KLHL29: variants seen among roughly 807,000 people sequenced by gnomAD.
The protein encoded by KLHL29 is kelch-like protein 29.
KLHL29 carries 21 observed loss-of-function variants against 80.4 expected under a neutral mutation model. The ratio of observed to expected loss-of-function variants is 0.26; its 90% CI spans 0.19 to 0.38. The LOEUF is 0.38. Among genes scored for constraint, KLHL29 ranks in the 10% least tolerant of loss-of-function variants. The probability of loss-of-function intolerance (pLI) is 1.00; values close to 1 mark genes in which losing one functional copy is unlikely to be tolerated. For synonymous variants in KLHL29, 511 were observed against 526.8 expected (o/e 0.97, Z 0.41); for missense variants, 867 against 1,223.9 (o/e 0.71, Z 4.35).
At chr2:23,541,765 C>CAAAAAAAAAAAAA (rs149080311) in intron 2 of KLHL29, among the ~76,000 whole-genome samples, 9 of 139,940 alleles carry the variant, frequency 6.4e-5, no homozygotes, top group African/African-American at 2.6e-4. Flanking sequence ...AAGCCCAACC[C>CAAAAAAAAAAAAA]AAAAAACAAA....
chr2:23,414,498 C>G (rs1666940874), intron 1 of KLHL29, among the ~76,000 whole-genome samples: 1 of 152,210 alleles, frequency 6.6e-6, no homozygotes, highest in African/African-American at 2.4e-5. Flanking sequence ...TGGGTTCAGG[C>G]TGGCTGGGTC....
At chr2:23,621,466 A>AT (rs1226041130) in intron 3 of KLHL29, among the ~76,000 whole-genome samples, 1 of 150,814 alleles carries the variant, frequency 6.6e-6, no homozygotes, top group African/African-American at 2.4e-5. Flanking sequence ...GGAAGAAAAA[A>AT]GGAAGAGAGG....
At chr2:23,617,877 C>G (rs1051257470) in intron 3 of KLHL29, 1 of 152,122 alleles carries the variant, frequency 6.6e-6, no homozygotes, top group African/African-American at 2.4e-5. Context: ...AACGTAGCAG[C>G]GTAGGAAGGC....
rs374208423 is a variant in KLHL29 at position 23,577,748 on chromosome 2, C to CA, written c.285+15281dup. Among the ~76,000 whole-genome samples, 1,067 of 118,196 alleles carry CA rather than the reference C, an allele frequency of 9.0e-3. 4 individuals carry two copies. Among genetic ancestry groups the CA allele is most frequent in the African/African-American group, 0.022 (688 of 31,992 alleles). 77.5% of individuals were successfully genotyped at this position (118,196 alleles called of 152,430 possible). Reference sequence around the variant, plus strand: ...GGGTGACTAGAGCGAAACTTCATCTCAAAAAAAAAAAAAAGAAAAGAAAGA... The same window carrying CA: ...GGGTGACTAGAGCGAAACTTCATCTCAAAAAAAAAAAAAAAGAAAAGAAAGA... On this transcript the variant is annotated intron_variant, in intron 3 of 13. Coordinates refer to ENST00000486442, the MANE Select transcript of KLHL29 (RefSeq NM_052920.2).
At chr2:23,541,772 C>G (rs72793547) in intron 2 of KLHL29, among the ~76,000 whole-genome samples, 1 of 137,608 alleles carries the variant, frequency 7.3e-6, no homozygotes, top group Non-Finnish European at 1.6e-5. Flanking sequence ...ACCCAAAAAA[C>G]AAAAAAAAAA....
chr2:23,556,897 T>G (rs1403829057), intron 2 of KLHL29, among the ~76,000 whole-genome samples: 2 of 152,218 alleles, frequency 1.3e-5, no homozygotes, highest in African/African-American at 4.8e-5. Flanking sequence ...TTTCTTCACA[T>G]GTGCATGTAA....
At chr2:23,488,230 G>A (rs1664986303) in intron 2 of KLHL29, among the ~76,000 whole-genome samples, 1 of 152,180 alleles carries the variant, frequency 6.6e-6, no homozygotes, top group South Asian at 2.1e-4. Flanking sequence ...TTCCACCCCT[G>A]GGCGCCCCTG....
intron 4 of KLHL29, among the ~76,000 whole-genome samples, chr2:23,640,314 C>T (rs578108295): frequency 2.0e-5 from 3 of 152,288 alleles, no homozygotes; most frequent in African/African-American, 4.8e-5. Flanking sequence ...GGGAGCTTGG[C>T]GACATATAAC....
intron 13 of KLHL29, 31 bp from the exon 14 acceptor site, chr2:23,706,450 G>A (rs1326561872): frequency 1.5e-6 from 2 of 1,366,656 alleles, no homozygotes; most frequent in East Asian, 2.7e-5. Flanking sequence ...GAAGTGAAAT[G>A]CCTAACTCTG....
intron 3 of KLHL29, among the ~76,000 whole-genome samples, chr2:23,564,212 G>C (rs536524119): frequency 2.0e-5 from 3 of 152,306 alleles, no homozygotes; most frequent in African/African-American, 7.2e-5. Flanking sequence ...CGGTGCTGGG[G>C]CTCCCCCACA....
At chr2:23,519,690 G>A (rs1378070780) in intron 2 of KLHL29, among the ~76,000 whole-genome samples, 2 of 152,136 alleles carry the variant, frequency 1.3e-5, no homozygotes, top group African/African-American at 4.8e-5. Context: ...CAAGGTGGTC[G>A]GGGGACAGCT....
intron 3 of KLHL29, among the ~76,000 whole-genome samples, chr2:23,619,939 T>C (rs1395827299): frequency 6.6e-6 from 1 of 152,056 alleles, no homozygotes; most frequent in Admixed American, 6.5e-5. Flanking sequence ...GGACTTAGAG[T>C]CCAGTAGCTC....
At chr2:23,661,838 G>A (rs1433551604) in intron 5 of KLHL29, among the ~76,000 whole-genome samples, 1 of 152,254 alleles carries the variant, frequency 6.6e-6, no homozygotes, top group Non-Finnish European at 1.5e-5. Context: ...CTCTATGGCT[G>A]CCCTGCACTC....
At chr2:23,421,607 C>A (rs974034989) in intron 1 of KLHL29, among the ~76,000 whole-genome samples, 2 of 134,830 alleles carry the variant, frequency 1.5e-5, no homozygotes, top group Admixed American at 7.7e-5. Flanking sequence ...GGCATGTCTG[C>A]TTTGTGTGTC....
chr2:23,643,492 G>C (rs1387531797), intron 5 of KLHL29: 2 of 170,128 alleles, frequency 1.2e-5, no homozygotes. Context: ...CAGCCTCAGG[G>C]GAGTTTCATT....
chr2:23,673,735 AC>A (rs1174708016), intron 5 of KLHL29, among the ~76,000 whole-genome samples: 2 of 142,846 alleles, frequency 1.4e-5, no homozygotes, highest in Non-Finnish European at 3.2e-5. Flanking sequence ...AGGCACATAC[AC>A]AGGGGTGCAT....
chr2:23,652,305 G>C (rs1372342720), intron 5 of KLHL29, among the ~76,000 whole-genome samples: 1 of 152,206 alleles, frequency 6.6e-6, no homozygotes, highest in Non-Finnish European at 1.5e-5. Context: ...CATGCTGGGA[G>C]GGAACCTACC....
intron 1 of KLHL29, among the ~76,000 whole-genome samples, chr2:23,461,268 G>A (rs1000028249): frequency 2.0e-5 from 3 of 152,200 alleles, no homozygotes; most frequent in African/African-American, 7.2e-5. Context: ...AGTAACTGCA[G>A]GGCCAGGATG....
chr2:23,644,289 A>G (rs1348337069), intron 5 of KLHL29: 1 of 151,610 alleles, frequency 6.6e-6, no homozygotes, highest in Non-Finnish European at 1.5e-5. Flanking sequence ...AAAAAAAGAA[A>G]GAAAGAAACT....
Sources: gnomAD v4.1 joint callset for allele counts (sites outside exome capture counted in the v4.1 genomes callset) on GRCh38, gnomAD v4.1.1 for gene constraint, MANE v1.5 for transcripts, NCBI Gene and HGNC (gene_info 2026-07-23, HGNC 2026-07-21) for gene names.